Variants in HYCC1 observed in about 807,000 individuals in gnomAD.
The protein encoded by HYCC1 is hyccin PI4KA lipid kinase complex subunit 1, also known as hyccin.
chr7:22,909,701 T>C, the HYCC1 span, among the ~76,000 whole-genome samples: 3 of 152,204 alleles, frequency 2.0e-5, no homozygotes, highest in African/African-American at 7.2e-5. Context: ...AGATCTTTCC[T>C]CCTGTAGTTC....
the HYCC1 span, chr7:22,964,376 G>C: frequency 8.7e-7 from 1 of 1,148,108 alleles, no homozygotes; most frequent in Non-Finnish European, 1.3e-6. Flanking sequence ...ATTTTCCAAA[G>C]AAATTAAATG....
chr7:22,946,534 C>G, the HYCC1 span, among the ~76,000 whole-genome samples: 260 of 152,042 alleles, frequency 1.7e-3, no homozygotes, highest in African/African-American at 5.9e-3. Flanking sequence ...AAAGCTCTTA[C>G]CAAGGAACTT....
At chr7:23,011,730 T>C in the HYCC1 span, among the ~76,000 whole-genome samples, 3 of 152,228 alleles carry the variant, frequency 2.0e-5, no homozygotes, top group Admixed American at 6.5e-5. Flanking sequence ...CCAATGTCAA[T>C]TGACACTGAC....
the HYCC1 span, among the ~76,000 whole-genome samples, chr7:22,983,483 C>T: frequency 1.3e-5 from 2 of 152,194 alleles, no homozygotes; most frequent in Non-Finnish European, 2.9e-5. Flanking sequence ...ATCCCCACTG[C>T]ATGGAATATT....
At chr7:23,004,866 T>G in the HYCC1 span, among the ~76,000 whole-genome samples, 1 of 152,054 alleles carries the variant, frequency 6.6e-6, no homozygotes. Flanking sequence ...AGTGCAATGG[T>G]GCAATCTTGG....
chr7:23,000,185 C>G, the HYCC1 span, among the ~76,000 whole-genome samples: 4 of 152,112 alleles, frequency 2.6e-5, no homozygotes, highest in African/African-American at 9.7e-5. Context: ...TGCTATCCCA[C>G]TCTTCAAAAG....
At chr7:22,923,369 T>C in the HYCC1 span, among the ~76,000 whole-genome samples, 1 of 152,060 alleles carries the variant, frequency 6.6e-6, no homozygotes, top group Non-Finnish European at 1.5e-5. Flanking sequence ...AAAATGAAAA[T>C]ACAACATATC....
chr7:22,940,703 A>G, the HYCC1 span: 1 of 152,124 alleles, frequency 6.6e-6, no homozygotes, highest in African/African-American at 2.4e-5. Flanking sequence ...ACATCAACCT[A>G]ACTCATTTAT....
chr7:22,991,095 T>C, the HYCC1 span: 1 of 1,610,746 alleles, frequency 6.2e-7, no homozygotes, highest in Non-Finnish European at 8.5e-7. Flanking sequence ...CACAACCCCT[T>C]TCTCTGAAGT....
the HYCC1 span, among the ~76,000 whole-genome samples, chr7:22,999,749 T>C: frequency 2.0e-5 from 3 of 152,310 alleles, no homozygotes; most frequent in East Asian, 1.9e-4. Context: ...CTGAGTATAA[T>C]GCAAAGTGTT....
the HYCC1 span, among the ~76,000 whole-genome samples, chr7:22,899,781 T>G: frequency 1.3e-5 from 2 of 152,256 alleles, no homozygotes; most frequent in African/African-American, 4.8e-5. Flanking sequence ...ACATTGTTTA[T>G]GACAACTACC....
the HYCC1 span, chr7:22,939,501 C>A: frequency 6.6e-6 from 1 of 152,132 alleles, no homozygotes; most frequent in Non-Finnish European, 1.5e-5. Flanking sequence ...TTTTACCATG[C>A]TTTTACTAAC....
At chr7:22,982,828 T>C in the HYCC1 span, among the ~76,000 whole-genome samples, 98,547 of 151,948 alleles carry the variant, frequency 0.65, 31,924 homozygotes, top group Non-Finnish European at 0.66. Flanking sequence ...ACCATGGTTA[T>C]GTCCTAAACC....
At chr7:22,928,784 G>T in the HYCC1 span, among the ~76,000 whole-genome samples, 40 of 152,068 alleles carry the variant, frequency 2.6e-4, no homozygotes, top group East Asian at 7.5e-3. Flanking sequence ...TAGATTCAAT[G>T]CCATCCCCAT....
the HYCC1 span, chr7:22,936,499 G>A: frequency 6.6e-6 from 1 of 152,216 alleles, no homozygotes; most frequent in Admixed American, 6.5e-5. Context: ...TGATTATTTA[G>A]CACCTCCTTC....
the HYCC1 span, chr7:22,976,730 G>A: frequency 1.9e-6 from 3 of 1,613,072 alleles, no homozygotes; most frequent in East Asian, 2.2e-5. Context: ...TGAGGATGAG[G>A]TCCACTGTAT....
At chr7:22,910,976 C>T in the HYCC1 span, among the ~76,000 whole-genome samples, 1 of 151,918 alleles carries the variant, frequency 6.6e-6, no homozygotes, top group African/African-American at 2.4e-5. Context: ...ACAATTAGGG[C>T]TTATCTTTTC....
At chr7:22,991,801 T>A in the HYCC1 span, among the ~76,000 whole-genome samples, 9 of 152,234 alleles carry the variant, frequency 5.9e-5, no homozygotes, top group Non-Finnish European at 1.3e-4. Flanking sequence ...TCCATTTGTA[T>A]GGGAGTAGAC....
At chr7:22,959,523 A>C in the HYCC1 span, among the ~76,000 whole-genome samples, 1 of 152,196 alleles carries the variant, frequency 6.6e-6, no homozygotes, top group Middle Eastern at 3.4e-3. Context: ...TTACCTTCTG[A>C]GGAAGGTGAT....
Sources: gnomAD v4.1 joint callset for allele counts (sites outside exome capture counted in the v4.1 genomes callset) on GRCh38, gnomAD v4.1.1 for gene constraint, MANE v1.5 for transcripts, NCBI Gene and HGNC (gene_info 2026-07-23, HGNC 2026-07-21) for gene names.